TAGLN2: variants seen among roughly 807,000 people sequenced by gnomAD.
The protein encoded by TAGLN2 is transgelin 2, also known as transgelin-2.
A neutral mutation model predicts 24.9 loss-of-function variants in TAGLN2; 14 were observed. That is an observed-to-expected ratio of 0.56 (90% confidence interval 0.37 to 0.88). The LOEUF is 0.88. TAGLN2 is among the 40% of genes least tolerant of loss of function. The pLI is 0.00. For missense variants in TAGLN2, 208 were observed against 258.9 expected (o/e 0.80, Z 1.35); for synonymous variants, 77 against 98.2 (o/e 0.78, Z 1.28).
intron 1 of TAGLN2, chr1:159,923,554 T>A (rs990793127): frequency 2.1e-6 from 3 of 1,428,626 alleles, no homozygotes; most frequent in African/African-American, 2.9e-5. Flanking sequence ...ACCGTGCAGA[T>A]GGAACACAGG....
rs148289578 is a variant in TAGLN2, at chr1:159,920,475, C to T, written c.35G>A (p.Arg12Gln). Residue 12 changes from arginine to glutamine, a missense_variant, in exon 2 of 5, where the codon CGG (arginine) becomes CAG (glutamine). Transcript: ENST00000368097. ...ANRGPAYGLS[R>Q]EVQQKIEKQY... ...TTTCTCAATCTTCTGCTGCACCTCC[C>T]GGCTCAGGCCATATGCAGGTCCCCT... 2.7e-5 allele frequency: 43 copies of T among 1,614,244 alleles called. No individual in the cohort carries two copies. Among genetic ancestry groups the T allele is most frequent in the East Asian group, 1.1e-4 (5 of 44,880 alleles).
intron 1 of TAGLN2, among the ~76,000 whole-genome samples, chr1:159,921,182 A>G (rs896855119): frequency 5.9e-4 from 85 of 144,464 alleles, no homozygotes; most frequent in African/African-American, 1.9e-3. Context: ...TGCCCCCGCA[A>G]AAGGTGTCCA....
At chr1:159,919,980 C>A (rs1402121995) in intron 2 of TAGLN2, 145 bp from the exon 3 acceptor site, 3 of 922,672 alleles carry the variant, frequency 3.3e-6, no homozygotes, top group Non-Finnish European at 5.1e-6. Flanking sequence ...CTAGAGTAAG[C>A]CTCACAGTCC....
intron 2 of TAGLN2, 43 bp from the exon 3 acceptor site, chr1:159,919,878 C>T (rs748259404): frequency 6.3e-7 from 1 of 1,599,948 alleles, no homozygotes; most frequent in East Asian, 2.2e-5. Context: ...AATATGCCTA[C>T]CTATCGCAGC....
intron 1 of TAGLN2, among the ~76,000 whole-genome samples, chr1:159,920,955 T>C (rs1650511382): frequency 6.6e-6 from 1 of 152,106 alleles, no homozygotes. Context: ...CAGGTAAGGA[T>C]TGCACACAAA....
chr1:159,920,728 G>A (rs990136002), intron 1 of TAGLN2, 191 bp from the exon 2 acceptor site: 4 of 760,634 alleles, frequency 5.3e-6, no homozygotes, highest in Middle Eastern at 6.8e-4. Flanking sequence ...GGGGAGAGGA[G>A]GAGGAATGTG....
rs1271352051 is a variant in TAGLN2 at position 159,919,303 on chromosome 1, G to A, written c.429C>T (p.Leu143=). The A allele has an allele frequency of 1.9e-6, 3 of 1,614,208 alleles. No homozygotes were observed. Among genetic ancestry groups the A allele is most frequent in the East Asian group, 4.5e-5 (2 of 44,882 alleles). Residue 143 remains leucine (L), a synonymous_variant, in exon 4 of 5, where the codon CTC becomes CTT. Coordinates refer to ENST00000368097, the MANE Select transcript of TAGLN2 (RefSeq NM_003564.3). ...GGAACCAGTTGGGATCCCCAGAGAA[G>A]AGCCCATCATCTCGGGCTACTGCCA... ...GGLAVARDDG[L]FSGDPNWFPK... is the part of the protein sequence containing the mutation.
Position 159,918,783 on chromosome 1 carries a change from C to T in TAGLN2, c.*17G>A, listed in dbSNP as rs769569595. On this transcript the variant is annotated 3_prime_UTR_variant, in exon 5 of 5. Transcript: ENST00000368097. ...TTAACCATTCGTGGGAGGGCAGGGG[C>T]AAGGCCTGGGGTGGGATCAGAGGAT... 10 of 1,612,030 alleles carry T rather than the reference C, an allele frequency of 6.2e-6. No individual in the cohort carries two copies. In the East Asian group the frequency reaches 2.0e-4, roughly 32 times the overall value.
At position 159,918,798 on chromosome 1, in the gene TAGLN2, G is replaced by A. The variant is rs1277269551; in HGVS notation, c.*2C>T. 16 of 1,613,852 alleles carry A rather than the reference G, an allele frequency of 9.9e-6. No homozygotes were observed. Among genetic ancestry groups the A allele is most frequent in the African/African-American group, 1.3e-5 (1 of 74,936 alleles). ...AGGGCAGGGGCAAGGCCTGGGGTGG[G>A]ATCAGAGGATCTGGCGTGGCATCCC... On this transcript the variant is annotated 3_prime_UTR_variant, in exon 5 of 5. Coordinates refer to ENST00000368097, the MANE Select transcript of TAGLN2 (RefSeq NM_003564.3).
At chr1:159,923,581 G>A (rs896823291) in intron 1 of TAGLN2, 1 of 1,189,622 alleles carries the variant, frequency 8.4e-7, no homozygotes, top group Non-Finnish European at 1.2e-6. Flanking sequence ...TCCCAACTCA[G>A]ATTTGGGACA....
At chr1:159,924,215 T>C (rs931062348) in intron 1 of TAGLN2, among the ~76,000 whole-genome samples, 7 of 150,904 alleles carry the variant, frequency 4.6e-5, no homozygotes, top group African/African-American at 1.7e-4. Context: ...AGGGAGGGAG[T>C]TGCGGTTGGA....
At chr1:159,924,826 G>C (rs1420012556) in intron 1 of TAGLN2, among the ~76,000 whole-genome samples, 1 of 152,170 alleles carries the variant, frequency 6.6e-6, no homozygotes, top group Admixed American at 6.5e-5. Context: ...GGCGCAGTCA[G>C]GGCTGCAGCA....
At chr1:159,921,939 C>A (rs1312459342) in intron 1 of TAGLN2, among the ~76,000 whole-genome samples, 1 of 152,258 alleles carries the variant, frequency 6.6e-6, no homozygotes, top group Non-Finnish European at 1.5e-5. Flanking sequence ...TTTGGCTTTT[C>A]TCTCTTCTCC....
chr1:159,919,883 C>A, intron 2 of TAGLN2, 48 bp from the exon 3 acceptor site: 1 of 1,593,386 alleles, frequency 6.3e-7, no homozygotes, highest in South Asian at 1.1e-5. Flanking sequence ...GCCTACCTAT[C>A]GCAGCTCAGC....
In TAGLN2 at chr1:159,920,237, C is replaced by T. The variant is rs1650484649; in HGVS notation, c.180+93G>A. ...GAAGAGGCTGGGACATGTGTGCCTT[C>T]AGTCTTCTCCTCTTCAGGTTAAACA... On this transcript the variant is annotated intron_variant, in intron 2 of 4. Transcript: ENST00000368097. The T allele has an allele frequency of 1.9e-6, 3 of 1,593,092 alleles. No homozygotes were observed. The African/African-American group carries it at 4.0e-5, about 21-fold the overall frequency.
chr1:159,920,265 C>A (rs1413166365), intron 2 of TAGLN2, 65 bp downstream of exon 2: 1 of 1,612,802 alleles, frequency 6.2e-7, no homozygotes, highest in Admixed American at 1.7e-5. Context: ...GTTAAACAAT[C>A]CCCAGTCCAC....
intron 4 of TAGLN2, 131 bp downstream of exon 4, chr1:159,919,139 TTAAG>T: frequency 8.2e-7 from 1 of 1,226,582 alleles, no homozygotes; most frequent in African/African-American, 1.5e-5. Flanking sequence ...GTTGTGAGGA[TTAAG>T]TGAGATGAGG....
At chr1:159,920,645 C>T in intron 1 of TAGLN2, 108 bp from the exon 2 acceptor site, 1 of 1,478,716 alleles carries the variant, frequency 6.8e-7, no homozygotes, top group Non-Finnish European at 9.0e-7. Flanking sequence ...CCACGGTGAG[C>T]CCCAAGGATG....
intron 1 of TAGLN2, chr1:159,923,627 C>CTCGCTCTGTGGGCTGG: frequency 2.9e-6 from 2 of 683,454 alleles, no homozygotes; most frequent in South Asian, 2.7e-5. Flanking sequence ...GTGAGGGCAC[C>CTCGCTCTGTGGGCTGG]AGCCCACAGA....
Sources: allele counts gnomAD v4.1 joint callset (sites outside exome capture counted in the v4.1 genomes callset), GRCh38; gene constraint gnomAD v4.1.1; transcripts MANE v1.5; gene names NCBI Gene and HGNC (gene_info 2026-07-23, HGNC 2026-07-21).